The following MIGA2 variants were observed in gnomAD, a reference collection of about 807,000 sequenced individuals.
The protein encoded by MIGA2 is mitoguardin 2, also known as family with sequence similarity 73, member B.
In MIGA2, 36 loss-of-function variants were observed where a neutral mutation model predicts 69.9. That is an observed-to-expected ratio of 0.52 (90% CI 0.39 to 0.68). The LOEUF is 0.68. Ranked by LOEUF, MIGA2 falls within the 30% of genes least tolerant of loss-of-function variation. The pLI is 0.00. For synonymous variants in MIGA2, 333 were observed against 349.2 expected, an observed-to-expected ratio of 0.95 and a Z score of 0.52; for missense variants, 660 against 787.7, an observed-to-expected ratio of 0.84 and a Z score of 1.94.
chr9:129,048,329 C>A, intron 3 of MIGA2, 98 bp from the exon 4 acceptor site: 1 of 1,031,878 alleles, frequency 9.7e-7, no homozygotes, highest in African/African-American at 1.6e-5. Context: ...GACCGATTCC[C>A]AGATGAGGAA....
rs772855217 is a variant in MIGA2, at chr9:129,068,030, G to A, written c.1269+159G>A. The stretch of plus-strand genomic sequence containing the variant: ...CTGCCCTGCCCCAGGCCAAGGCAGA[G>A]GGAGGAATGGCCTCAGCTACACCCG... On this transcript the variant is annotated intron_variant, in intron 12 of 15. Transcript: ENST00000684074. This position sits in a 1 kb window ranked among gnomAD's most constrained non-coding sequence, Gnocchi z 4.1. 2 of 1,261,406 alleles carry A rather than the reference G, an allele frequency of 1.6e-6. No individual in the cohort carries two copies. Among genetic ancestry groups the A allele is most frequent in the South Asian group, 2.6e-5 (2 of 76,260 alleles). 78.1% of individuals were successfully genotyped at this position (1,261,406 alleles called of 1,614,324 possible). A position where few individuals can be genotyped will look rare whatever the true frequency, so the allele number is the denominator to read the frequency against.
At chr9:129,070,004 C>T (rs1010510981) in intron 15 of MIGA2, 39 bp downstream of exon 15, 7 of 1,501,416 alleles carry the variant, frequency 4.7e-6, no homozygotes, top group Admixed American at 1.9e-5. Context: ...CTGACCCTTG[C>T]CCTGAGCACA....
rs376245075 is a variant in MIGA2, at chr9:129,069,158, C to G, written c.1458+29C>G. The G allele has an allele frequency of 3.7e-6, 6 of 1,613,364 alleles. No individual in the cohort carries two copies. The highest frequency in any genetic ancestry group is 5.1e-6 in the Non-Finnish European group (6 of 1,179,814). On this transcript the variant is annotated intron_variant, in intron 14 of 15. Transcript: ENST00000684074. This position sits in a 1 kb window ranked among gnomAD's most constrained non-coding sequence, Gnocchi z 4.9. ...AGTGACTGGCAGGCCCGGGGGAGCA[C>G]GAGCTGGGCTCTGAGGCAGCGTGGT...
rs911079102 is a variant in MIGA2 at position 129,060,396 on chromosome 9, C to T, written c.794-154C>T. On this transcript the variant is annotated intron_variant, in intron 7 of 15. Transcript: ENST00000684074. This position sits in a 1 kb window ranked among gnomAD's most constrained non-coding sequence, Gnocchi z 4.8. ...GGAGTCCAGCGTCCTCACACAGAAG[C>T]GCTTGGCACGTCAGAGCTTTGCCAT... The T allele has an allele frequency of 4.3e-5, 27 of 623,676 alleles. No individual in the cohort carries two copies. The Middle Eastern group carries it at 1.0e-3, about 24-fold the overall frequency. 38.6% of individuals were successfully genotyped at this position (623,676 alleles called of 1,614,324 possible). A position where few individuals can be genotyped will look rare whatever the true frequency, so the allele number is the denominator to read the frequency against.
chr9:129,063,215 T>C, intron 9 of MIGA2, 29 bp from the exon 10 acceptor site: 1 of 1,611,532 alleles, frequency 6.2e-7, no homozygotes, highest in Non-Finnish European at 8.5e-7. Context: ...AGGGACCAGG[T>C]TGTGTGACGC....
chr9:129,062,646 C>T lies in MIGA2; in HGVS notation c.1011-598C>T, dbSNP rs552098355. On this transcript the variant is annotated intron_variant, in intron 9 of 15. Transcript: ENST00000684074. ...ATCACTTGAGGTCAGGAGTTCAAGA[C>T]CAACCTGGCTAACATGGTGAAACCC... is the stretch of plus-strand genomic sequence containing the variant. 4.4e-4 allele frequency among the ~76,000 whole-genome samples: 66 copies of T among 151,680 alleles called. 1 individual carries two copies. Among genetic ancestry groups the T allele is most frequent in the Non-Finnish European group, 2.9e-5 (2 of 67,954 alleles).
chr9:129,050,066 A>G, intron 6 of MIGA2, 103 bp downstream of exon 6: 1 of 1,436,332 alleles, frequency 7.0e-7, no homozygotes, highest in Non-Finnish European at 9.4e-7. Flanking sequence ...GTCCTCTGAG[A>G]CTGCTGATTT....
intron 11 of MIGA2, among the ~76,000 whole-genome samples, chr9:129,066,925 C>T (rs13295728): frequency 7.5e-5 from 9 of 119,512 alleles, no homozygotes; most frequent in Non-Finnish European, 9.8e-5. Flanking sequence ...TGTGCCACTG[C>T]ATTCCAGCCT....
rs1237811108 is a variant in MIGA2 at position 129,071,265 on chromosome 9, T to C, written c.*812T>C. 6.6e-6 allele frequency: 1 copy of C among 152,400 alleles called. No individual in the cohort carries two copies. Among genetic ancestry groups the C allele is most frequent in the South Asian group, 2.1e-4 (1 of 4,826 alleles). The allele number at this position is 152,400 out of a possible 1,614,324, so 9.4% of individuals were successfully genotyped here. ...TGTCACCTGTGGGCCCGGGGACCAC[T>C]TGGGGGAGGTCAGAGGATGTATGTG... On this transcript the variant is annotated 3_prime_UTR_variant, in exon 16 of 16. Coordinates refer to ENST00000684074, the MANE Select transcript of MIGA2 (RefSeq NM_001329990.2).
chr9:129,043,425 C>T (rs1306245661), intron 3 of MIGA2, among the ~76,000 whole-genome samples: 2 of 137,624 alleles, frequency 1.5e-5, no homozygotes, highest in African/African-American at 5.4e-5. Context: ...CTTGCTCTGT[C>T]ACCCAGTCTG....
rs1846617373 is a variant in MIGA2, at chr9:129,070,427, A to G, written c.1756A>G (p.Asn586Asp). The G allele has an allele frequency of 5.0e-6, 8 of 1,597,392 alleles. No individual in the cohort carries two copies. The highest frequency in any genetic ancestry group is 6.8e-6 in the Non-Finnish European group (8 of 1,170,000). Residue 586 changes from asparagine (N) to aspartate (D), a missense_variant, in exon 16 of 16, where the codon AAT (asparagine) becomes GAT (aspartate). Physicochemically the swap from Asn to Asp is conservative, Grantham distance 23 (BLOSUM62 1). This residue lies in a region of MIGA2 where 220 missense variants were observed against 301.7 expected (regional missense o/e 0.73). Transcript: ENST00000684074. ...CGTGAATGGGGCGCTGCCCCGAGAG[A>G]ATGGGCCCCTGGGGGAGCTGCAGTA... ...AGVNGALPRENGPLGELQ is the reference protein window; with the variant it reads ...AGVNGALPREDGPLGELQ
At chr9:129,050,573 G>GTTT (rs1299209059) in intron 6 of MIGA2, among the ~76,000 whole-genome samples, 1 of 114,788 alleles carries the variant, frequency 8.7e-6, no homozygotes, top group Non-Finnish European at 1.8e-5. Flanking sequence ...GTACCCAGCT[G>GTTT]TTTTTTTTTT....
chr9:129,067,090 C>T (rs1423551056), intron 11 of MIGA2, among the ~76,000 whole-genome samples: 7 of 141,012 alleles, frequency 5.0e-5, no homozygotes, highest in Non-Finnish European at 9.0e-5. Flanking sequence ...GAGCTGAGAT[C>T]GTGCCACTGC....
chr9:129,063,106 AGAGGCCACACTGCCAGGCT>A, intron 9 of MIGA2, 119 bp from the exon 10 acceptor site: 1 of 794,236 alleles, frequency 1.3e-6, no homozygotes. Context: ...GACGCCAGCC[AGAGGCCACACTGCCAGGCT>A]GAGGCAGGGC....
At position 129,063,294 on chromosome 9, in the gene MIGA2, A is replaced by G; in HGVS notation, c.1061A>G (p.His354Arg). 6.2e-7 allele frequency: 1 copy of G among 1,614,072 alleles called. No homozygotes were observed. The highest frequency in any genetic ancestry group is 8.5e-7 in the Non-Finnish European group (1 of 1,180,016). The change falls in exon 10 of 16, where the codon CAC (histidine) becomes CGC (arginine). Residue 354 changes from histidine (H) to arginine (R), a missense_variant. Physicochemically the swap from His to Arg is conservative, Grantham distance 29 (BLOSUM62 0). Coordinates refer to ENST00000684074, the MANE Select transcript of MIGA2 (RefSeq NM_001329990.2). ...GACCAGGACTTTCTGGCCAAGCTGC[A>G]CTGTGTGCGGCAGGCCTTCGAGGTG... The part of the protein sequence containing the change: ...YSDQDFLAKL[H>R]CVRQAFEGLL...
rs377565385 is a variant in MIGA2 at position 129,046,010 on chromosome 9, C to T, written c.308-2417C>T. On this transcript the variant is annotated intron_variant, in intron 3 of 15. Coordinates refer to ENST00000684074, the MANE Select transcript of MIGA2 (RefSeq NM_001329990.2). ...CTGGGACTACAGGTGCGTGCCACCACGCCCAGCTAATTTTTTGTGTTTTTA... is the reference window on the plus strand; with the variant it reads ...CTGGGACTACAGGTGCGTGCCACCATGCCCAGCTAATTTTTTGTGTTTTTA... Among the ~76,000 whole-genome samples, 219 of 152,022 alleles carry T rather than the reference C, an allele frequency of 1.4e-3. 1 individual carries two copies. Among genetic ancestry groups the T allele is most frequent in the African/African-American group, 4.1e-3 (170 of 41,488 alleles).
intron 11 of MIGA2, among the ~76,000 whole-genome samples, chr9:129,066,958 T>G (rs1294572709): frequency 1.3e-4 from 4 of 30,904 alleles, no homozygotes; most frequent in Non-Finnish European, 2.3e-4. Flanking sequence ...AGACTCTGTC[T>G]CAAAAAAAAA....
At chr9:129,048,622 C>G (rs1322382470) in intron 4 of MIGA2, 83 bp downstream of exon 4, 1 of 1,028,588 alleles carries the variant, frequency 9.7e-7, no homozygotes, top group Non-Finnish European at 1.5e-6. Flanking sequence ...AGCTTATAGA[C>G]TGGTAGAGTC....
At chr9:129,067,567 G>A in intron 11 of MIGA2, 1 of 579,458 alleles carries the variant, frequency 1.7e-6, no homozygotes, top group Non-Finnish European at 3.1e-6. Flanking sequence ...CTCAGCAGAG[G>A]AGCTGGCTTG....
Sources: allele counts gnomAD v4.1 joint callset (sites outside exome capture counted in the v4.1 genomes callset), GRCh38; gene constraint gnomAD v4.1.1; regional missense constraint gnomAD v4.1.1; non-coding constraint Gnocchi (gnomAD v3.1); transcripts MANE v1.5; gene names NCBI Gene and HGNC (gene_info 2026-07-23, HGNC 2026-07-21).